The following LHX4 variants were observed in gnomAD, a reference collection of about 807,000 sequenced individuals.
The protein encoded by LHX4 is LIM homeobox 4.
LHX4 carries 16 observed loss-of-function variants against 39.2 expected under a neutral mutation model. The ratio of observed to expected loss-of-function variants is 0.41; its 90% CI spans 0.28 to 0.62. The LOEUF (loss-of-function observed/expected upper bound fraction) is 0.62. Among genes scored for constraint, LHX4 ranks in the 20% least tolerant of loss-of-function variants. LHX4 has a pLI of 0.33. For synonymous variants in LHX4, 206 were observed against 198.1 expected (o/e 1.04, Z -0.33); for missense variants, 439 against 511.9 (o/e 0.86, Z 1.37).
chr1:180,258,523 T>C (rs357058), intron 2 of LHX4, among the ~76,000 whole-genome samples: 34,754 of 152,098 alleles, frequency 0.23, 7,295 homozygotes, highest in African/African-American at 0.56. Flanking sequence ...TGTGCAGAAG[T>C]GCCTGTAGGG....
rs1664209848 is a variant in LHX4 at position 180,232,758 on chromosome 1, C to T, written c.76+2153C>T. 6.6e-6 allele frequency among the ~76,000 whole-genome samples: 1 copy of T among 152,238 alleles called. No individual in the cohort carries two copies. The highest frequency in any genetic ancestry group is 2.4e-5 in the African/African-American group (1 of 41,462). On this transcript the variant is annotated intron_variant, in intron 1 of 5. Transcript: ENST00000263726. The surrounding 1 kb of genome is among the most constrained non-coding windows in gnomAD (Gnocchi z 5.4). ...TGTTAGGCTGTTGGTGCTGGGACCG[C>T]GGGATAGGTCCCCATCACCCACATA...
chr1:180,230,308 C>T lies in LHX4; in HGVS notation c.-222C>T. 1 of 609,406 alleles carries T rather than the reference C, an allele frequency of 1.6e-6. No individual in the cohort carries two copies. Among genetic ancestry groups the T allele is most frequent in the Non-Finnish European group, 2.9e-6 (1 of 340,406 alleles). The allele number at this position is 609,406 out of a possible 1,614,324, so 37.7% of individuals were successfully genotyped here. A position where few individuals can be genotyped will look rare whatever the true frequency, so the allele number is the denominator to read the frequency against. Reference sequence around the variant, plus strand: ...CTCAACCTGGGATGTGCACCAACCCCGGAGAGCGAGATCAAAGGGACTGGA... The same window carrying T: ...CTCAACCTGGGATGTGCACCAACCCTGGAGAGCGAGATCAAAGGGACTGGA... On this transcript the variant is annotated 5_prime_UTR_variant, in exon 1 of 6. Coordinates refer to ENST00000263726, the MANE Select transcript of LHX4 (RefSeq NM_033343.4). The surrounding 1 kb of genome is among the most constrained non-coding windows in gnomAD (Gnocchi z 5.8).
chr1:180,274,790 A>ACACAG lies in LHX4; in HGVS notation c.*217_*221dup, dbSNP rs1270536936. On this transcript the variant is annotated 3_prime_UTR_variant, in exon 6 of 6. Coordinates refer to ENST00000263726, the MANE Select transcript of LHX4 (RefSeq NM_033343.4). ...AGTGGGAGAGCAGACTCATCTCAGAACACAGCACAGGGGGTAATGGCCTAG... is the reference window on the plus strand; with the variant it reads ...AGTGGGAGAGCAGACTCATCTCAGAACACAGCACAGCACAGGGGGTAATGGCCTAG... 2.4e-5 allele frequency: 14 copies of ACACAG among 584,076 alleles called. No individual in the cohort carries two copies. In the Admixed American group the frequency reaches 4.3e-4, roughly 18 times the overall value. 36.2% of individuals were successfully genotyped at this position (584,076 alleles called of 1,614,324 possible).
chr1:180,250,701 C>T (rs796097124), intron 2 of LHX4, among the ~76,000 whole-genome samples: 1 of 152,154 alleles, frequency 6.6e-6, no homozygotes, highest in Admixed American at 6.5e-5. Context: ...CTTGGACCCC[C>T]CAGTGCTTCC....
intron 2 of LHX4, among the ~76,000 whole-genome samples, chr1:180,253,491 C>T (rs1187258939): frequency 6.6e-6 from 1 of 152,260 alleles, no homozygotes; most frequent in Non-Finnish European, 1.5e-5. Flanking sequence ...AGAGCCCTGG[C>T]ACCCAGGAGC....
intron 2 of LHX4, among the ~76,000 whole-genome samples, chr1:180,254,117 C>T (rs1451114172): frequency 4.6e-5 from 7 of 152,318 alleles, no homozygotes; most frequent in East Asian, 1.9e-4. Context: ...GCTGTGCCCC[C>T]AGCCACTGGG....
intron 1 of LHX4, among the ~76,000 whole-genome samples, chr1:180,245,189 A>G (rs888700129): frequency 2.0e-5 from 3 of 152,190 alleles, no homozygotes; most frequent in Non-Finnish European, 2.9e-5. Context: ...CCGCAAGGGC[A>G]CTGAACTCAG....
Position 180,271,639 on chromosome 1 carries a change from G to A in LHX4, c.606+105G>A. ...TCACGGGTGGTTGGGCTCAGGGCTT[G>A]ACCCCAGGGCTTTTGCCAGAACTGA... On this transcript the variant is annotated intron_variant, in intron 4 of 5. Coordinates refer to ENST00000263726, the MANE Select transcript of LHX4 (RefSeq NM_033343.4). 1.4e-6 allele frequency: 2 copies of A among 1,469,242 alleles called. 1 individual carries two copies. The highest frequency in any genetic ancestry group is 4.4e-4 in the Middle Eastern group (2 of 4,534). The allele number at this position is 1,469,242 out of a possible 1,614,324, so 91.0% of individuals were successfully genotyped here.
At chr1:180,271,641 C>T in intron 4 of LHX4, 107 bp downstream of exon 4, 2 of 1,454,748 alleles carry the variant, frequency 1.4e-6, no homozygotes, top group Non-Finnish European at 1.9e-6. Context: ...CAGGGCTTGA[C>T]CCCAGGGCTT....
intron 2 of LHX4, among the ~76,000 whole-genome samples, chr1:180,259,640 T>C (rs1009361484): frequency 1.3e-5 from 2 of 151,304 alleles, no homozygotes; most frequent in Admixed American, 1.3e-4. Context: ...GCACCATCAG[T>C]CCGGTGGGCA....
rs552230586 is a variant in LHX4, at chr1:180,266,701, C to A, written c.451+107C>A. The A allele has an allele frequency of 1.8e-6, 2 of 1,097,036 alleles. No homozygotes were observed. The highest frequency in any genetic ancestry group is 2.7e-6 in the Non-Finnish European group (2 of 739,904). The allele number at this position is 1,097,036 out of a possible 1,614,324, so 68.0% of individuals were successfully genotyped here. A position where few individuals can be genotyped will look rare whatever the true frequency, so the allele number is the denominator to read the frequency against. Reference sequence around the variant, plus strand: ...CGTCCCACCTGCCCATCCCTCAGAGCCCTACTCATGCACCGCCACCTCTGA... The same window carrying A: ...CGTCCCACCTGCCCATCCCTCAGAGACCTACTCATGCACCGCCACCTCTGA... On this transcript the variant is annotated intron_variant, in intron 3 of 5. Coordinates refer to ENST00000263726, the MANE Select transcript of LHX4 (RefSeq NM_033343.4). This position sits in a 1 kb window ranked among gnomAD's most constrained non-coding sequence, Gnocchi z 5.7.
At chr1:180,246,112 A>T (rs1647370500) in intron 1 of LHX4, among the ~76,000 whole-genome samples, 1 of 152,182 alleles carries the variant, frequency 6.6e-6, no homozygotes, top group African/African-American at 2.4e-5. Context: ...CAGGCAAAGC[A>T]TGTATACCAG....
chr1:180,270,895 C>G (rs1648606832), intron 3 of LHX4: 1 of 235,384 alleles, frequency 4.2e-6, no homozygotes, highest in South Asian at 5.7e-5. Flanking sequence ...TGGCTGTGAG[C>G]CCAGCGACGC....
At chr1:180,273,080 G>A (rs1003475655) in intron 5 of LHX4, 15 of 152,268 alleles carry the variant, frequency 9.9e-5, no homozygotes, top group African/African-American at 3.4e-4. Context: ...TAAGGGGAAT[G>A]GGGGGCAGGC....
chr1:180,230,197 G>A, upstream of LHX4: 1 of 414,384 alleles, frequency 2.4e-6, no homozygotes, highest in East Asian at 5.2e-5. The surrounding 1 kb of genome is among the most constrained non-coding windows in gnomAD (Gnocchi z 5.8). Context: ...CCTCCCGGGC[G>A]GCCGGCACGC....
chr1:180,241,159 T>C (rs1664437927), intron 1 of LHX4, among the ~76,000 whole-genome samples: 1 of 152,208 alleles, frequency 6.6e-6, no homozygotes, highest in African/African-American at 2.4e-5. Context: ...CATCCACATG[T>C]TCGGAGAGAC....
chr1:180,230,313 A>AGC lies in LHX4; in HGVS notation c.-215_-214dup, dbSNP rs1664145824. 1.5e-5 allele frequency: 9 copies of AGC among 608,022 alleles called. No homozygotes were observed. The highest frequency in any genetic ancestry group is 2.7e-5 in the Admixed American group (1 of 37,560). The allele number at this position is 608,022 out of a possible 1,614,324, so 37.7% of individuals were successfully genotyped here. A position where few individuals can be genotyped will look rare whatever the true frequency, so the allele number is the denominator to read the frequency against. On this transcript the variant is annotated 5_prime_UTR_variant, in exon 1 of 6. It introduces an in-frame stop codon into an upstream open reading frame of the 5' UTR. Coordinates refer to ENST00000263726, the MANE Select transcript of LHX4 (RefSeq NM_033343.4). The surrounding 1 kb of genome is among the most constrained non-coding windows in gnomAD (Gnocchi z 5.8). ...CCTGGGATGTGCACCAACCCCGGAG[A>AGC]GCGAGATCAAAGGGACTGGAAACAG...
intron 1 of LHX4, among the ~76,000 whole-genome samples, chr1:180,247,051 A>G (rs1647416128): frequency 6.6e-6 from 1 of 152,170 alleles, no homozygotes; most frequent in Non-Finnish European, 1.5e-5. Flanking sequence ...TTTTCTTCTT[A>G]ATACTTGTTG....
At position 180,234,176 on chromosome 1, in the gene LHX4, T is replaced by C. The variant is rs1279818243; in HGVS notation, c.76+3571T>C. Among the ~76,000 whole-genome samples, 30 of 18,182 alleles carry C rather than the reference T, an allele frequency of 1.6e-3. No individual in the cohort carries two copies. Among genetic ancestry groups the C allele is most frequent in the Middle Eastern group, 0.014 (1 of 72 alleles). The allele number at this position is 18,182 out of a possible 152,430, so 11.9% of individuals were successfully genotyped here. ...ACACACAACACACACAAATTATATA[T>C]ATATATATATATATATATATATATA... On this transcript the variant is annotated intron_variant, in intron 1 of 5. Coordinates refer to ENST00000263726, the MANE Select transcript of LHX4 (RefSeq NM_033343.4). The surrounding 1 kb of genome is among the most constrained non-coding windows in gnomAD (Gnocchi z 4.8).
Sources: allele counts gnomAD v4.1 joint callset (sites outside exome capture counted in the v4.1 genomes callset), GRCh38; gene constraint gnomAD v4.1.1; non-coding constraint Gnocchi (gnomAD v3.1); transcripts MANE v1.5; gene names NCBI Gene and HGNC (gene_info 2026-07-23, HGNC 2026-07-21).